Variants in CDH8 observed in about 807,000 individuals in gnomAD.
CDH8 encodes the protein cadherin 8.
Under a neutral mutation model 68.1 loss-of-function variants are expected in CDH8, and 17 were observed. The observed-to-expected ratio is 0.25, with a 90% CI of 0.17 to 0.37. The LOEUF is 0.37. CDH8 is among the 10% of genes least tolerant of loss of function. CDH8 has a pLI of 1.00. For synonymous variants in CDH8, 372 were observed against 365.1 expected (o/e 1.02, Z -0.21); for missense variants, 763 against 999.3 (o/e 0.76, Z 3.19).
chr16:61,998,118 AT>A (rs1300663707), intron 2 of CDH8, among the ~76,000 whole-genome samples: 1 of 152,212 alleles, frequency 6.6e-6, no homozygotes, highest in Admixed American at 6.5e-5. Context: ...ATGGAAAAAA[AT>A]ATCCCCAACT....
At chr16:61,799,110 C>A (rs1056632716) in intron 7 of CDH8, among the ~76,000 whole-genome samples, 2 of 152,080 alleles carry the variant, frequency 1.3e-5, no homozygotes, top group South Asian at 2.1e-4. Context: ...GAAGCCCAAT[C>A]GATTTCTATG....
At chr16:61,788,149 G>C (rs1596968425) in intron 8 of CDH8, among the ~76,000 whole-genome samples, 1 of 150,622 alleles carries the variant, frequency 6.6e-6, no homozygotes. Flanking sequence ...TCACACAAGC[G>C]TTCTTTTTAT....
chr16:61,673,054 G>T (rs1353552553), intron 10 of CDH8, among the ~76,000 whole-genome samples: 13 of 152,132 alleles, frequency 8.5e-5, no homozygotes, highest in Non-Finnish European at 2.9e-5. Context: ...ACTCTCCAGA[G>T]ATAATGATTC....
intron 8 of CDH8, among the ~76,000 whole-genome samples, chr16:61,779,425 ATGTG>A (rs10539934): frequency 0.13 from 18,617 of 139,018 alleles, 1,433 homozygotes; most frequent in Middle Eastern, 0.21. Flanking sequence ...ATGTTCGTTT[ATGTG>A]TGTGTGTGTG....
At chr16:61,881,253 T>A (rs72798769) in intron 3 of CDH8, among the ~76,000 whole-genome samples, 9,035 of 152,268 alleles carry the variant, frequency 0.059, 336 homozygotes, top group South Asian at 0.096. Flanking sequence ...ACTGATATAT[T>A]CAGTTTTAAA....
chr16:61,847,877 T>C (rs1962844246), intron 4 of CDH8, among the ~76,000 whole-genome samples: 1 of 141,250 alleles, frequency 7.1e-6, no homozygotes, highest in Non-Finnish European at 1.5e-5. Context: ...CTACCAACTA[T>C]CCTACACACA....
intron 10 of CDH8, among the ~76,000 whole-genome samples, chr16:61,672,522 C>T (rs568694314): frequency 6.6e-6 from 1 of 151,886 alleles, no homozygotes; most frequent in African/African-American, 2.4e-5. Flanking sequence ...ATTTGTTATT[C>T]CACCTAAAGT....
At chr16:61,761,327 G>C (rs1015862404) in intron 8 of CDH8, among the ~76,000 whole-genome samples, 4 of 152,140 alleles carry the variant, frequency 2.6e-5, no homozygotes, top group Non-Finnish European at 5.9e-5. Context: ...CAGTCTTTCT[G>C]TTTGATTTAG....
At chr16:61,735,745 C>T (rs1051613887) in intron 8 of CDH8, among the ~76,000 whole-genome samples, 2 of 151,962 alleles carry the variant, frequency 1.3e-5, no homozygotes, top group Non-Finnish European at 2.9e-5. Context: ...TTATCTTTCG[C>T]CTTTAAAAAT....
At chr16:61,712,906 C>T (rs1964657180) in intron 10 of CDH8, among the ~76,000 whole-genome samples, 1 of 151,484 alleles carries the variant, frequency 6.6e-6, no homozygotes, top group South Asian at 2.1e-4. Context: ...GATTCACTAT[C>T]CCTTTAAATA....
chr16:61,653,029 C>A lies in CDH8; in HGVS notation c.*579G>T. 1 of 1,415,230 alleles carries A rather than the reference C, an allele frequency of 7.1e-7. No individual in the cohort carries two copies. Among genetic ancestry groups the A allele is most frequent in the South Asian group, 1.7e-5 (1 of 60,118 alleles). The allele number at this position is 1,415,230 out of a possible 1,614,324, so 87.7% of individuals were successfully genotyped here. On this transcript the variant is annotated 3_prime_UTR_variant, in exon 12 of 12. Coordinates refer to ENST00000577390, the MANE Select transcript of CDH8 (RefSeq NM_001796.5). Reference sequence around the variant, plus strand: ...ACAATATTTAAAGATGCTATTCAGTCTCTAGTGAGTGGGGCCAACAATTAT... The same window carrying A: ...ACAATATTTAAAGATGCTATTCAGTATCTAGTGAGTGGGGCCAACAATTAT...
In CDH8 at chr16:62,021,595, G is replaced by C. The variant is rs1351010862; in HGVS notation, c.-192C>G. 21 of 1,333,062 alleles carry C rather than the reference G, an allele frequency of 1.6e-5. No homozygotes were observed. Among genetic ancestry groups the C allele is most frequent in the Non-Finnish European group, 1.9e-5 (20 of 1,045,774 alleles). The allele number at this position is 1,333,062 out of a possible 1,614,324, so 82.6% of individuals were successfully genotyped here. A position where few individuals can be genotyped will look rare whatever the true frequency, so the allele number is the denominator to read the frequency against. Reference sequence around the variant, plus strand: ...CAATCCATTGGCTTTTCTTTTCATTGAAATTTCCTGCAAAAACAAGGAGGA... The same window carrying C: ...CAATCCATTGGCTTTTCTTTTCATTCAAATTTCCTGCAAAAACAAGGAGGA... On this transcript the variant is annotated 5_prime_UTR_variant, in exon 2 of 12. Transcript: ENST00000577390.
intron 2 of CDH8, among the ~76,000 whole-genome samples, chr16:61,969,850 T>C (rs1965310772): frequency 6.6e-6 from 1 of 152,150 alleles, no homozygotes; most frequent in African/African-American, 2.4e-5. Flanking sequence ...GACCCAGAGA[T>C]AGGTGTGTGA....
At chr16:61,937,083 G>T (rs2143514972) in intron 2 of CDH8, among the ~76,000 whole-genome samples, 1 of 151,980 alleles carries the variant, frequency 6.6e-6, no homozygotes, top group South Asian at 2.1e-4. Flanking sequence ...GGTTTTTTCA[G>T]GATTGAAATA....
intron 4 of CDH8, among the ~76,000 whole-genome samples, chr16:61,852,168 C>A (rs1206441208): frequency 6.6e-6 from 1 of 152,046 alleles, no homozygotes; most frequent in Non-Finnish European, 1.5e-5. Flanking sequence ...TCTTTTTATT[C>A]TTCCTGTTAT....
chr16:61,652,442 A>G lies in CDH8; in HGVS notation c.*1166T>C, dbSNP rs1177652129. The stretch of plus-strand genomic sequence containing the variant: ...ACTTTAGGATGTTTGTGCTTGTAGT[A>G]AAAACACCAAATACTAGGATTATGA... On this transcript the variant is annotated 3_prime_UTR_variant, in exon 12 of 12. Coordinates refer to ENST00000577390, the MANE Select transcript of CDH8 (RefSeq NM_001796.5). The G allele has an allele frequency of 2.0e-6, 2 of 985,680 alleles. No homozygotes were observed. Among genetic ancestry groups the G allele is most frequent in the African/African-American group, 1.7e-5 (1 of 57,274 alleles). 61.1% of individuals were successfully genotyped at this position (985,680 alleles called of 1,614,324 possible). A position where few individuals can be genotyped will look rare whatever the true frequency, so the allele number is the denominator to read the frequency against.
intron 2 of CDH8, among the ~76,000 whole-genome samples, chr16:61,965,475 C>T (rs1965231663): frequency 6.6e-6 from 1 of 152,112 alleles, no homozygotes; most frequent in African/African-American, 2.4e-5. Flanking sequence ...TTATGAAACC[C>T]AAGGTTCACA....
rs747109239 is a variant in CDH8 at position 62,021,332 on chromosome 16, G to C, written c.72C>G (p.Pro24=). The change falls in exon 2 of 12, where the codon CCC becomes CCG. Residue 24 remains proline, a synonymous_variant. Coordinates refer to ENST00000577390, the MANE Select transcript of CDH8 (RefSeq NM_001796.5). ...TPLIILWITL[P]PCIYMAPMNQ... is the part of the protein sequence containing the mutation. ...TCATCGGAGCCATGTAAATGCAAGG[G>C]GGAAGAGTAATCCATAATATTATTA... is the stretch of plus-strand genomic sequence containing the variant. 1 of 1,613,976 alleles carries C rather than the reference G, an allele frequency of 6.2e-7. No homozygotes were observed.
intron 1 of CDH8, among the ~76,000 whole-genome samples, chr16:62,027,231 A>G (rs1275134788): frequency 2.0e-5 from 3 of 152,244 alleles, no homozygotes; most frequent in Non-Finnish European, 4.4e-5. Flanking sequence ...CTGACTTTTC[A>G]TTCATACTTA....
Sources: allele counts gnomAD v4.1 joint callset (sites outside exome capture counted in the v4.1 genomes callset), GRCh38; gene constraint gnomAD v4.1.1; transcripts MANE v1.5; gene names NCBI Gene and HGNC (gene_info 2026-07-23, HGNC 2026-07-21).